ACSM2A: variants seen among roughly 807,000 people sequenced by gnomAD.
ACSM2A encodes the protein acyl-CoA synthetase medium chain family member 2A.
In ACSM2A, 72 loss-of-function variants were observed where a neutral mutation model predicts 76.6. The ratio of observed to expected loss-of-function variants is 0.94; its 90% CI spans 0.78 to 1.14. The LOEUF is 1.14. Among genes scored for constraint, ACSM2A ranks in the 50% most tolerant of loss-of-function variants. The probability of loss-of-function intolerance (pLI) is 0.00; values close to 1 mark genes in which losing one functional copy is unlikely to be tolerated. For missense variants in ACSM2A, 684 were observed against 708.5 expected (o/e 0.97, Z 0.39); for synonymous variants, 249 against 255.9 (o/e 0.97, Z 0.26).
intron 7 of ACSM2A, 97 bp downstream of exon 7, chr16:20,475,538 G>A: frequency 6.2e-7 from 1 of 1,603,812 alleles, no homozygotes; most frequent in Non-Finnish European, 8.5e-7. Context: ...CTCGCACACA[G>A]AGAGCCCCAT....
At chr16:20,479,802 G>A (rs2013981078) in intron 10 of ACSM2A, among the ~76,000 whole-genome samples, 1 of 152,214 alleles carries the variant, frequency 6.6e-6, no homozygotes. Context: ...GCTCCATGAT[G>A]CCCATGAGAA....
intron 8 of ACSM2A, chr16:20,476,085 G>A (rs1242705142): frequency 1.8e-6 from 2 of 1,082,566 alleles, no homozygotes; most frequent in Non-Finnish European, 2.3e-6. Context: ...TGAGAAGTTG[G>A]TAAATCAGAT....
At chr16:20,486,514 A>C (rs2014389683) in intron 13 of ACSM2A, 60 bp from the exon 14 acceptor site, 3 of 1,593,180 alleles carry the variant, frequency 1.9e-6, no homozygotes, top group African/African-American at 1.3e-5. Context: ...AGCAGTTCTG[A>C]AAAATGCAAC....
At chr16:20,462,769 T>C in intron 2 of ACSM2A, among the ~76,000 whole-genome samples, 1 of 151,868 alleles carries the variant, frequency 6.6e-6, no homozygotes, top group East Asian at 1.9e-4. Context: ...AATATAACAT[T>C]TTCTCAAAAA....
chr16:20,483,003 C>T, intron 12 of ACSM2A, 55 bp from the exon 13 acceptor site: 1 of 1,591,278 alleles, frequency 6.3e-7, no homozygotes, highest in Non-Finnish European at 8.6e-7. Context: ...CACATTATTC[C>T]AGGAGATGAC....
At chr16:20,486,127 A>T (rs768740799) in intron 13 of ACSM2A, among the ~76,000 whole-genome samples, 59 of 152,320 alleles carry the variant, frequency 3.9e-4, no homozygotes, top group Middle Eastern at 3.4e-3. Context: ...TTCAGTGGTT[A>T]CTCCATGCCA....
Position 20,470,685 on chromosome 16 carries a change from G to A in ACSM2A, c.597-388G>A, listed in dbSNP as rs372260596. 3.5e-3 allele frequency: 1,426 copies of A among 407,646 alleles called. 29 individuals are homozygous for A. Among genetic ancestry groups the A allele is most frequent in the South Asian group, 0.026 (1,375 of 53,814 alleles). The allele number at this position is 407,646 out of a possible 1,614,324, so 25.3% of individuals were successfully genotyped here. A position where few individuals can be genotyped will look rare whatever the true frequency, so the allele number is the denominator to read the frequency against. On this transcript the variant is annotated intron_variant, in intron 4 of 13. Transcript: ENST00000573854. ...AACTTGTATTAATTCCACCCCTCCT[G>A]TCCACTTGGTGTCATGCCAGAGCTC...
At chr16:20,482,591 G>T (rs1370403529) in intron 12 of ACSM2A, 5 of 162,614 alleles carry the variant, frequency 3.1e-5, no homozygotes, top group Non-Finnish European at 5.4e-5. Flanking sequence ...AGGCCATGGG[G>T]GATCCCCTGC....
chr16:20,465,342 A>T (rs1288708754), intron 2 of ACSM2A, among the ~76,000 whole-genome samples, 175 bp from the exon 3 acceptor site: 3 of 152,220 alleles, frequency 2.0e-5, no homozygotes, highest in Non-Finnish European at 4.4e-5. Context: ...ATATTGACAG[A>T]TATAACTCAT....
chr16:20,466,261 C>G (rs2141710343), intron 3 of ACSM2A, among the ~76,000 whole-genome samples: 1 of 152,294 alleles, frequency 6.6e-6, no homozygotes, highest in African/African-American at 2.4e-5. Context: ...CAATGCTTTT[C>G]TAAAAGAAGA....
At chr16:20,457,595 C>T (rs906080094) in intron 1 of ACSM2A, among the ~76,000 whole-genome samples, 12 of 151,982 alleles carry the variant, frequency 7.9e-5, no homozygotes, top group Non-Finnish European at 1.3e-4. Context: ...GTAGAAAAAG[C>T]ATTTGACAAA....
At chr16:20,465,045 T>C (rs2012892392) in intron 2 of ACSM2A, among the ~76,000 whole-genome samples, 1 of 152,188 alleles carries the variant, frequency 6.6e-6, no homozygotes, top group Admixed American at 6.5e-5. Context: ...TTCACGAGTA[T>C]ACAATAGCAT....
chr16:20,451,888 C>T lies in ACSM2A; in HGVS notation c.-9+207C>T, dbSNP rs192552494. ...CCTTTATGGCAGCAACAGGGAGAGA[C>T]GAGGGCAGCTGGAAAAAGGTGGTAA... On this transcript the variant is annotated intron_variant, in intron 1 of 13. Coordinates refer to ENST00000573854, the MANE Select transcript of ACSM2A (RefSeq NM_001308172.2). Among the ~76,000 whole-genome samples, 23 of 146,094 alleles carry T rather than the reference C, an allele frequency of 1.6e-4. No homozygotes were observed. The East Asian group carries it at 3.3e-3, about 21-fold the overall frequency.
intron 12 of ACSM2A, 193 bp downstream of exon 12, chr16:20,481,114 G>A: frequency 3.0e-6 from 2 of 676,942 alleles, no homozygotes; most frequent in Non-Finnish European, 5.0e-6. Context: ...GTAAGATGAG[G>A]GATTGTTATG....
chr16:20,459,902 G>A (rs1159236226), intron 1 of ACSM2A, among the ~76,000 whole-genome samples: 1 of 152,142 alleles, frequency 6.6e-6, no homozygotes, highest in African/African-American at 2.4e-5. Flanking sequence ...ATCTAGGACT[G>A]GGTCTGTATC....
In ACSM2A at chr16:20,471,875, G is replaced by C. The variant is rs538636686; in HGVS notation, c.894+186G>C. ...AGAGCTCATGTTCTGGGGTAGGAGA[G>C]AGGCACATATATAGATAAAAGGAGT... On this transcript the variant is annotated intron_variant, in intron 6 of 13. Transcript: ENST00000573854. 1.1e-3 allele frequency among the ~76,000 whole-genome samples: 170 copies of C among 152,284 alleles called. 1 individual carries two copies. The highest frequency in any genetic ancestry group is 3.7e-3 in the African/African-American group (155 of 41,558).
intron 3 of ACSM2A, among the ~76,000 whole-genome samples, chr16:20,468,503 G>T (rs1286556443): frequency 6.6e-6 from 1 of 152,172 alleles, no homozygotes. Context: ...GGGATTACAG[G>T]CGTGTGCCAT....
At chr16:20,467,063 G>A (rs2013042478) in intron 3 of ACSM2A, among the ~76,000 whole-genome samples, 1 of 152,172 alleles carries the variant, frequency 6.6e-6, no homozygotes, top group African/African-American at 2.4e-5. Context: ...AGCTTGTGAG[G>A]TTGGAAACAA....
intron 10 of ACSM2A, 144 bp downstream of exon 10, chr16:20,478,821 G>A: frequency 2.5e-6 from 3 of 1,204,332 alleles, no homozygotes; most frequent in Non-Finnish European, 3.3e-6. Flanking sequence ...TGTATGCTTT[G>A]CCAGTGGAAG....
Sources: allele counts gnomAD v4.1 joint callset (sites outside exome capture counted in the v4.1 genomes callset), GRCh38; gene constraint gnomAD v4.1.1; transcripts MANE v1.5; gene names NCBI Gene and HGNC (gene_info 2026-07-23, HGNC 2026-07-21).